NEDD9: variants seen among roughly 807,000 people sequenced by gnomAD.
The protein encoded by NEDD9 is neural precursor cell expressed, developmentally down-regulated 9, also known as enhancer of filamentation 1.
NEDD9 carries 26 observed loss-of-function variants against 76.6 expected under a neutral mutation model. That is an observed-to-expected ratio of 0.34 (90% CI 0.25 to 0.47). The LOEUF is 0.47. Ranked by LOEUF, NEDD9 falls within the 20% of genes least tolerant of loss-of-function variation. The pLI is 1.00. For synonymous variants in NEDD9, 392 were observed against 414.2 expected, an observed-to-expected ratio of 0.95 and a Z score of 0.65; for missense variants, 937 against 1,058.5, an observed-to-expected ratio of 0.89 and a Z score of 1.59.
chr6:11,191,553 T>G (rs1172873736), intron 4 of NEDD9, among the ~76,000 whole-genome samples: 1 of 152,200 alleles, frequency 6.6e-6, no homozygotes, highest in Non-Finnish European at 1.5e-5. Flanking sequence ...TCTTTTTGGT[T>G]ATCACACCAG....
intron 1 of NEDD9, among the ~76,000 whole-genome samples, chr6:11,360,556 A>C (rs1762660916): frequency 6.6e-6 from 1 of 151,854 alleles, no homozygotes; most frequent in South Asian, 2.1e-4. Flanking sequence ...GTGAGTTCTC[A>C]TGAGATCTGG....
chr6:11,374,832 G>A (rs891081433), intron 1 of NEDD9, among the ~76,000 whole-genome samples: 5 of 152,214 alleles, frequency 3.3e-5, no homozygotes, highest in Non-Finnish European at 7.3e-5. Flanking sequence ...CAGTGAGAGT[G>A]AAAGCCTTAA....
At chr6:11,367,048 A>G (rs1762782411) in intron 1 of NEDD9, among the ~76,000 whole-genome samples, 1 of 152,114 alleles carries the variant, frequency 6.6e-6, no homozygotes, top group African/African-American at 2.4e-5. Flanking sequence ...TGTACTGAAC[A>G]TTAAGAAAGG....
chr6:11,289,593 C>CA (rs1016587438), intron 3 of NEDD9, among the ~76,000 whole-genome samples: 5 of 152,316 alleles, frequency 3.3e-5, no homozygotes, highest in South Asian at 2.1e-4. Flanking sequence ...GCTGGGACTA[C>CA]AGGCACCTGC....
intron 3 of NEDD9, among the ~76,000 whole-genome samples, chr6:11,298,246 A>G (rs1760950174): frequency 6.6e-6 from 1 of 152,138 alleles, no homozygotes; most frequent in Admixed American, 6.5e-5. Context: ...CCTGAAAAAG[A>G]GCAGTAGGAA....
At chr6:11,210,526 A>G (rs182442644) in intron 2 of NEDD9, among the ~76,000 whole-genome samples, 21 of 152,304 alleles carry the variant, frequency 1.4e-4, no homozygotes, top group Admixed American at 8.5e-4. Context: ...GAAAAATGAA[A>G]AAGCCACGCC....
intron 1 of NEDD9, among the ~76,000 whole-genome samples, chr6:11,379,636 A>G (rs1582058724): frequency 6.6e-6 from 1 of 152,174 alleles, no homozygotes; most frequent in East Asian, 1.9e-4. Flanking sequence ...TTTATATTTT[A>G]AAAGAAATGT....
At chr6:11,203,486 G>A (rs1008206861) in intron 2 of NEDD9, among the ~76,000 whole-genome samples, 7 of 152,172 alleles carry the variant, frequency 4.6e-5, no homozygotes, top group Non-Finnish European at 1.0e-4. Context: ...AGAGGAGAAC[G>A]CTCAGGTTTA....
intron 2 of NEDD9, among the ~76,000 whole-genome samples, chr6:11,307,424 C>T (rs551033277): frequency 6.6e-6 from 1 of 152,154 alleles, no homozygotes; most frequent in Admixed American, 6.5e-5. Flanking sequence ...CTGCCTGAAC[C>T]CATGTGTGGT....
rs555387184 is a variant in NEDD9, at chr6:11,241,609, G to A, written c.13-27882C>T. On this transcript the variant is annotated intron_variant, in intron 3 of 3. Coordinates refer to the NEDD9 transcript ENST00000397378. The surrounding 1 kb of genome is among the most constrained non-coding windows in gnomAD (Gnocchi z 4.0). Reference sequence around the variant, plus strand: ...AGCCATCCAGCATAGCTCCGGGGGCGGAGGTAGGGACAGTACACAATGGGG... The same window carrying A: ...AGCCATCCAGCATAGCTCCGGGGGCAGAGGTAGGGACAGTACACAATGGGG... 1.1e-4 allele frequency among the ~76,000 whole-genome samples: 16 copies of A among 152,170 alleles called. No individual in the cohort carries two copies. The highest frequency in any genetic ancestry group is 1.8e-4 in the Non-Finnish European group (12 of 68,036).
chr6:11,316,704 C>T (rs1761574813), intron 2 of NEDD9, among the ~76,000 whole-genome samples: 1 of 152,114 alleles, frequency 6.6e-6, no homozygotes, highest in Admixed American at 6.5e-5. Flanking sequence ...AAGCTATACT[C>T]CAGTTGAGAA....
At chr6:11,270,616 C>A (rs927562338) in intron 3 of NEDD9, among the ~76,000 whole-genome samples, 2 of 152,174 alleles carry the variant, frequency 1.3e-5, no homozygotes, top group Non-Finnish European at 2.9e-5. Context: ...TAGCAACATC[C>A]CCAGCAGCCT....
At chr6:11,298,267 C>T (rs115728453) in intron 3 of NEDD9, among the ~76,000 whole-genome samples, 253 of 151,902 alleles carry the variant, frequency 1.7e-3, no homozygotes, top group Non-Finnish European at 2.7e-3. Context: ...TATATGTATG[C>T]GTAGTGTGAA....
chr6:11,247,505 G>A (rs1759834209), intron 3 of NEDD9, among the ~76,000 whole-genome samples: 1 of 152,156 alleles, frequency 6.6e-6, no homozygotes, highest in African/African-American at 2.4e-5. Flanking sequence ...TTATAGGATA[G>A]TCACAGAGCT....
chr6:11,285,182 C>G (rs1326788727), intron 3 of NEDD9, among the ~76,000 whole-genome samples: 1 of 152,140 alleles, frequency 6.6e-6, no homozygotes, highest in Non-Finnish European at 1.5e-5. Flanking sequence ...CCTCTGGTGC[C>G]TTTAGCTTGT....
chr6:11,291,970 A>C (rs996314891), intron 3 of NEDD9, among the ~76,000 whole-genome samples: 2 of 152,104 alleles, frequency 1.3e-5, no homozygotes, highest in Admixed American at 6.5e-5. Flanking sequence ...TGTCATTGTC[A>C]TATTTTTGCT....
At chr6:11,312,517 T>C (rs961125108) in intron 2 of NEDD9, among the ~76,000 whole-genome samples, 21 of 152,166 alleles carry the variant, frequency 1.4e-4, no homozygotes, top group African/African-American at 5.1e-4. Flanking sequence ...GGCTCATCTC[T>C]CTATAACCCT....
intron 1 of NEDD9, among the ~76,000 whole-genome samples, chr6:11,357,423 C>T (rs1177761379): frequency 6.6e-6 from 1 of 152,164 alleles, no homozygotes; most frequent in Non-Finnish European, 1.5e-5. Context: ...GAGACCTATT[C>T]ATGGCCACAA....
At chr6:11,364,134 T>C (rs1394271507) in intron 1 of NEDD9, among the ~76,000 whole-genome samples, 1 of 152,204 alleles carries the variant, frequency 6.6e-6, no homozygotes, top group Non-Finnish European at 1.5e-5. Flanking sequence ...CTGGAATTTG[T>C]GTACATGCCA....
Sources: allele counts gnomAD v4.1 joint callset (sites outside exome capture counted in the v4.1 genomes callset), GRCh38; gene constraint gnomAD v4.1.1; non-coding constraint Gnocchi (gnomAD v3.1); transcripts MANE v1.5; gene names NCBI Gene and HGNC (gene_info 2026-07-23, HGNC 2026-07-21).